PDE1A: variants seen among roughly 807,000 people sequenced by gnomAD.
The protein encoded by PDE1A is dual specificity calcium/calmodulin-dependent 3',5'-cyclic nucleotide phosphodiesterase 1A.
A neutral mutation model predicts 61.7 loss-of-function variants in PDE1A; 35 were observed. The ratio of observed to expected loss-of-function variants is 0.57; its 90% CI spans 0.43 to 0.75. PDE1A has a LOEUF of 0.75. PDE1A is among the 30% of genes least tolerant of loss of function. PDE1A has a pLI of 0.00. For synonymous variants in PDE1A, 232 were observed against 213.2 expected, an observed-to-expected ratio of 1.09 and a Z score of -0.77; for missense variants, 597 against 630.6, an observed-to-expected ratio of 0.95 and a Z score of 0.57.
At chr2:182,321,990 TA>T (rs1696725463) in intron 1 of PDE1A, among the ~76,000 whole-genome samples, 2 of 152,184 alleles carry the variant, frequency 1.3e-5, no homozygotes, top group South Asian at 4.1e-4. Flanking sequence ...AATTTCAAGG[TA>T]ATTACCTTTA....
intron 7 of PDE1A, among the ~76,000 whole-genome samples, chr2:182,222,505 C>G (rs759548468): frequency 6.6e-6 from 1 of 151,858 alleles, no homozygotes; most frequent in African/African-American, 2.4e-5. Flanking sequence ...ACCCATAGAA[C>G]CCATAATGCA....
chr2:182,508,740 ATT>A (rs200385458), intron 2 of PDE1A, among the ~76,000 whole-genome samples: 9,971 of 138,166 alleles, frequency 0.072, 363 homozygotes, highest in Middle Eastern at 0.1. Context: ...TTTTTTTTTT[ATT>A]TTTTTTTTAT....
chr2:182,162,255 G>C (rs146569910), intron 13 of PDE1A, among the ~76,000 whole-genome samples: 3 of 152,140 alleles, frequency 2.0e-5, no homozygotes, highest in Admixed American at 6.6e-5. Context: ...GGAGCCAAGC[G>C]ATGGCACTCA....
chr2:182,628,620 G>T, the PDE1A span, among the ~76,000 whole-genome samples: 3 of 152,082 alleles, frequency 2.0e-5, no homozygotes, highest in African/African-American at 7.2e-5. Flanking sequence ...GTAGAAATAC[G>T]TATTACTAAT....
Position 182,262,955 on chromosome 2 carries a change from A to ATGTGTGTGTGTGTG in PDE1A, c.167+1332_167+1345dup, listed in dbSNP as rs60469609. 3.4e-3 allele frequency among the ~76,000 whole-genome samples: 502 copies of ATGTGTGTGTGTGTG among 147,260 alleles called. 6 individuals are homozygous for ATGTGTGTGTGTGTG. The highest frequency in any genetic ancestry group is 9.5e-3 in the African/African-American group (379 of 39,966). ...ATGTGAATTTTTTACTTATTAAACA[A>ATGTGTGTGTGTGTG]TGTGTGTGTGTGTGTGTGTGTGTGT... On this transcript the variant is annotated intron_variant, in intron 2 of 13. Coordinates refer to ENST00000351439, the Ensembl canonical transcript of PDE1A.
chr2:182,405,257 G>T (rs1702236988), intron 1 of PDE1A, among the ~76,000 whole-genome samples: 1 of 152,122 alleles, frequency 6.6e-6, no homozygotes, highest in African/African-American at 2.4e-5. Context: ...GGAATACAAA[G>T]GAAATCAAAG....
At chr2:182,526,357 C>T (rs535024268), upstream of PDE1A, among the ~76,000 whole-genome samples, 11 of 152,160 alleles carry the variant, frequency 7.2e-5, no homozygotes, top group East Asian at 1.9e-3. Flanking sequence ...ATTTATCAAA[C>T]ATAGTAATCT....
intron 1 of PDE1A, among the ~76,000 whole-genome samples, chr2:182,323,260 T>C (rs755375049): frequency 3.3e-5 from 5 of 152,200 alleles, no homozygotes; most frequent in Non-Finnish European, 4.4e-5. Flanking sequence ...TTGTGGCTTA[T>C]TGTCAATGCT....
At chr2:182,355,728 A>G (rs1018564676) in intron 1 of PDE1A, among the ~76,000 whole-genome samples, 1 of 152,088 alleles carries the variant, frequency 6.6e-6, no homozygotes, top group African/African-American at 2.4e-5. Flanking sequence ...ATTAAGGTAG[A>G]GTTTTGGCAG....
intron 1 of PDE1A, among the ~76,000 whole-genome samples, chr2:182,334,654 C>T (rs1362488392): frequency 6.6e-6 from 1 of 152,118 alleles, no homozygotes; most frequent in Non-Finnish European, 1.5e-5. Flanking sequence ...TTATGACAAA[C>T]CTACAGCCAA....
intron 1 of PDE1A, among the ~76,000 whole-genome samples, chr2:182,330,533 C>A (rs1385275589): frequency 6.6e-6 from 1 of 151,974 alleles, no homozygotes; most frequent in African/African-American, 2.4e-5. Context: ...ACATAAATGA[C>A]CCTTATGTGC....
chr2:182,553,166 T>C, the PDE1A span, among the ~76,000 whole-genome samples: 20 of 152,176 alleles, frequency 1.3e-4, no homozygotes, highest in African/African-American at 4.3e-4. Context: ...GGCCCAAGAT[T>C]CCATTCCTTG....
At chr2:182,351,268 A>AT (rs1698860512) in intron 1 of PDE1A, among the ~76,000 whole-genome samples, 1 of 152,194 alleles carries the variant, frequency 6.6e-6, no homozygotes, top group South Asian at 2.1e-4. Context: ...AGTCATCTAA[A>AT]TTTCCATTTT....
chr2:182,169,262 TAC>T (rs1387925334), intron 13 of PDE1A, among the ~76,000 whole-genome samples: 2 of 152,030 alleles, frequency 1.3e-5, no homozygotes, highest in Non-Finnish European at 2.9e-5. Context: ...GTTATGGAAA[TAC>T]AGTTTTAAGG....
chr2:182,684,834 C>A, the PDE1A span, among the ~76,000 whole-genome samples: 2 of 151,972 alleles, frequency 1.3e-5, no homozygotes, highest in Non-Finnish European at 2.9e-5. Context: ...TCTAATTAAC[C>A]ATATAAATGT....
chr2:182,457,692 A>T (rs1368223419), intron 2 of PDE1A, among the ~76,000 whole-genome samples: 27 of 152,080 alleles, frequency 1.8e-4, no homozygotes, highest in Non-Finnish European at 2.9e-5. Flanking sequence ...TATCTTACAA[A>T]AAAGCATGTA....
At chr2:182,270,554 C>G (rs300881) in intron 1 of PDE1A, among the ~76,000 whole-genome samples, 2 of 151,244 alleles carry the variant, frequency 1.3e-5, no homozygotes, top group African/African-American at 4.8e-5. Flanking sequence ...ATGAATAAAA[C>G]GTAATAATTC....
intron 7 of PDE1A, among the ~76,000 whole-genome samples, chr2:182,209,898 G>A (rs771210125): frequency 3.9e-5 from 6 of 152,142 alleles, no homozygotes; most frequent in East Asian, 1.9e-4. Context: ...AGCAGTGTGA[G>A]AAGAAGATAA....
At chr2:182,351,669 TTACC>T (rs1698887284) in intron 1 of PDE1A, among the ~76,000 whole-genome samples, 3 of 152,198 alleles carry the variant, frequency 2.0e-5, no homozygotes, top group African/African-American at 7.2e-5. Context: ...CGTTGGCACT[TTACC>T]GTGACATTTG....
Sources: allele counts gnomAD v4.1 joint callset (sites outside exome capture counted in the v4.1 genomes callset), GRCh38; gene constraint gnomAD v4.1.1; transcripts MANE v1.5; gene names NCBI Gene and HGNC (gene_info 2026-07-23, HGNC 2026-07-21).